Variants in METTL15 observed in about 807,000 individuals in gnomAD.
METTL15 encodes methyltransferase 15, mitochondrial 12S rRNA N4-cytidine, also known as 12S rRNA N(4)-cytidine methyltransferase METTL15.
Under a neutral mutation model 38.3 loss-of-function variants are expected in METTL15, and 34 were observed. That is an observed-to-expected ratio of 0.89 (90% CI 0.68 to 1.18). METTL15 has a LOEUF of 1.18. Ranked by LOEUF, METTL15 falls within the 50% of genes most tolerant of loss-of-function variation. The probability of loss-of-function intolerance (pLI) is 0.00; values close to 1 mark genes in which losing one functional copy is unlikely to be tolerated. For synonymous variants in METTL15, 162 were observed against 170.9 expected (o/e 0.95, Z 0.41); for missense variants, 438 against 498.4 (o/e 0.88, Z 1.15).
intron 6 of METTL15, among the ~76,000 whole-genome samples, chr11:28,485,181 T>C (rs1465420514): frequency 6.6e-6 from 1 of 151,900 alleles, no homozygotes; most frequent in East Asian, 1.9e-4. Flanking sequence ...GCATTCTTGT[T>C]TCAGCTGTTT....
chr11:28,368,721 C>T (rs1850213676), intron 5 of METTL15, among the ~76,000 whole-genome samples: 1 of 152,056 alleles, frequency 6.6e-6, no homozygotes, highest in South Asian at 2.1e-4. Context: ...TATTGTGGCA[C>T]TATTCACAAT....
In METTL15 at chr11:28,420,518, A is replaced by G. The variant is rs569598825; in HGVS notation, c.*359-3781A>G. On this transcript the variant is annotated intron_variant and NMD_transcript_variant, in intron 5 of 7. Transcript: ENST00000532947. ...CAAAAATGTTAAAATAATATTAAGT[A>G]TCTTCTCTGACCACAATGGAATAAA... Among the ~76,000 whole-genome samples the G allele has an allele frequency of 4.4e-4, 67 of 152,290 alleles. No individual in the cohort carries two copies. In the South Asian group the frequency reaches 0.013, roughly 30 times the overall value.
chr11:28,197,474 C>G (rs934948556), intron 3 of METTL15: 4 of 446,616 alleles, frequency 9.0e-6, no homozygotes, highest in Non-Finnish European at 1.9e-5. Context: ...ATTTGCATAT[C>G]CCAATTTCCT....
At chr11:28,234,577 G>A (rs1472515861) in intron 4 of METTL15, among the ~76,000 whole-genome samples, 1 of 151,618 alleles carries the variant, frequency 6.6e-6, no homozygotes, top group South Asian at 2.1e-4. Flanking sequence ...ATTTTTTCAT[G>A]TGTCTTTTGG....
intron 6 of METTL15, among the ~76,000 whole-genome samples, chr11:28,322,730 T>C (rs572596788): frequency 6.6e-6 from 1 of 152,308 alleles, no homozygotes; most frequent in South Asian, 2.1e-4. Flanking sequence ...GTAGAGTTTT[T>C]CTGCTATGTA....
At chr11:28,222,940 A>C in intron 4 of METTL15, among the ~76,000 whole-genome samples, 1 of 152,290 alleles carries the variant, frequency 6.6e-6, no homozygotes, top group East Asian at 1.9e-4. Flanking sequence ...TTAAACTGTG[A>C]AAAGATGCTC....
intron 4 of METTL15, among the ~76,000 whole-genome samples, chr11:28,270,657 C>T (rs1294751084): frequency 3.9e-5 from 6 of 152,226 alleles, no homozygotes; most frequent in Admixed American, 1.3e-4. Flanking sequence ...ACTACCTCAA[C>T]GATTTTTGTT....
intron 6 of METTL15, among the ~76,000 whole-genome samples, chr11:28,474,626 T>C (rs1471441649): frequency 6.6e-6 from 1 of 152,150 alleles, no homozygotes; most frequent in Non-Finnish European, 1.5e-5. Flanking sequence ...AATCTGTAGG[T>C]ATTCAAGGAT....
intron 4 of METTL15, among the ~76,000 whole-genome samples, chr11:28,263,096 A>AT (rs760769642): frequency 9.9e-5 from 15 of 151,936 alleles, no homozygotes; most frequent in South Asian, 6.2e-4. Flanking sequence ...TGGTCAGTAT[A>AT]TTTTTTTAAA....
chr11:28,282,852 G>C (rs1382792212), intron 4 of METTL15, among the ~76,000 whole-genome samples: 2 of 152,132 alleles, frequency 1.3e-5, no homozygotes, highest in Non-Finnish European at 2.9e-5. Context: ...TCACCAAGCT[G>C]AGCCCAACTT....
intron 3 of METTL15, among the ~76,000 whole-genome samples, chr11:28,342,825 A>C (rs1441986355): frequency 6.6e-6 from 1 of 152,200 alleles, no homozygotes; most frequent in Non-Finnish European, 1.5e-5. Flanking sequence ...CAGTTGTACA[A>C]TTCACATCCT....
At chr11:28,174,180 C>T (rs753498817) in intron 3 of METTL15, among the ~76,000 whole-genome samples, 20 of 152,136 alleles carry the variant, frequency 1.3e-4, no homozygotes, top group African/African-American at 3.4e-4. Flanking sequence ...ACAGGCAATT[C>T]GTCTCTTCTC....
intron 4 of METTL15, among the ~76,000 whole-genome samples, chr11:28,236,224 G>A (rs1853961754): frequency 6.6e-6 from 1 of 152,062 alleles, no homozygotes; most frequent in South Asian, 2.1e-4. Context: ...TTTTATTGAG[G>A]ATTTTTGCAT....
At chr11:28,235,751 A>G (rs917532866) in intron 4 of METTL15, among the ~76,000 whole-genome samples, 1 of 152,184 alleles carries the variant, frequency 6.6e-6, no homozygotes, top group African/African-American at 2.4e-5. Context: ...GTCATCTGCA[A>G]ACAGGGACAA....
intron 5 of METTL15, among the ~76,000 whole-genome samples, chr11:28,386,060 A>C (rs903700463): frequency 1.3e-5 from 2 of 152,092 alleles, no homozygotes; most frequent in Admixed American, 1.3e-4. Flanking sequence ...TATAACTATG[A>C]AATGTTTTAT....
At chr11:28,371,622 T>G (rs752905259) in intron 5 of METTL15, among the ~76,000 whole-genome samples, 4 of 152,074 alleles carry the variant, frequency 2.6e-5, no homozygotes, top group African/African-American at 9.6e-5. Context: ...TTCTAATTCA[T>G]GAACATGGAA....
At chr11:28,211,460 C>A (rs1439608283) in intron 4 of METTL15, among the ~76,000 whole-genome samples, 1 of 151,914 alleles carries the variant, frequency 6.6e-6, no homozygotes, top group African/African-American at 2.4e-5. Flanking sequence ...GTTTTGGAAT[C>A]CATCCACAAA....
At chr11:28,157,357 G>GCCA (rs2133733470) in intron 3 of METTL15, among the ~76,000 whole-genome samples, 1 of 152,314 alleles carries the variant, frequency 6.6e-6, no homozygotes, top group South Asian at 2.1e-4. Context: ...ATGCTGCTCT[G>GCCA]CCACTTGGGC....
At chr11:28,110,924 T>C (rs1490625740) in intron 2 of METTL15, among the ~76,000 whole-genome samples, 1 of 152,188 alleles carries the variant, frequency 6.6e-6, no homozygotes, top group Non-Finnish European at 1.5e-5. Context: ...ACTCCCTGCT[T>C]CCTTATGACC....
Sources: allele counts gnomAD v4.1 joint callset (sites outside exome capture counted in the v4.1 genomes callset), GRCh38; gene constraint gnomAD v4.1.1; transcripts MANE v1.5; gene names NCBI Gene and HGNC (gene_info 2026-07-23, HGNC 2026-07-21).